CTNNA1: variants seen among roughly 807,000 people sequenced by gnomAD.
CTNNA1 encodes catenin alpha 1, also known as catenin alpha-1.
CTNNA1 carries 37 observed loss-of-function variants against 98.4 expected under a neutral mutation model. The observed-to-expected ratio is 0.38, with a 90% CI of 0.29 to 0.49. CTNNA1 has a LOEUF of 0.49. Ranked by LOEUF, CTNNA1 falls within the 20% of genes least tolerant of loss-of-function variation. The pLI, the probability that CTNNA1 is intolerant of heterozygous loss-of-function variation, is 0.95. For synonymous variants in CTNNA1, 404 were observed against 413.2 expected, an observed-to-expected ratio of 0.98 and a Z score of 0.27; for missense variants, 761 against 1,147.2, an observed-to-expected ratio of 0.66 and a Z score of 4.86.
intron 13 of CTNNA1, among the ~76,000 whole-genome samples, 175 bp from the exon 14 acceptor site, chr5:138,929,071 C>T (rs2150323200): frequency 6.6e-6 from 1 of 152,336 alleles, no homozygotes; most frequent in African/African-American, 2.4e-5. Context: ...ACCAGTGAAG[C>T]AGAGGCTCGA....
intron 5 of CTNNA1, among the ~76,000 whole-genome samples, chr5:138,819,479 G>GA (rs1759791788): frequency 2.6e-5 from 4 of 152,154 alleles, no homozygotes; most frequent in Admixed American, 2.0e-4. Flanking sequence ...TGGATGCAGG[G>GA]TACTATGTCG....
At chr5:138,776,843 CG>C (rs533258162) in intron 1 of CTNNA1, among the ~76,000 whole-genome samples, 24,925 of 59,616 alleles carry the variant, frequency 0.42, 6,703 homozygotes, top group East Asian at 0.78. Flanking sequence ...GCTGGCCGGG[CG>C]GGGGGGCTGA....
intron 9 of CTNNA1, among the ~76,000 whole-genome samples, chr5:138,890,271 A>C (rs78997031): frequency 6.6e-6 from 1 of 152,124 alleles, no homozygotes; most frequent in Non-Finnish European, 1.5e-5. Context: ...TCCTCCTAAA[A>C]TACTGCAATA....
Position 138,924,726 on chromosome 5 carries a change from C to A in CTNNA1, c.1747+16C>A. 1.9e-6 allele frequency: 3 copies of A among 1,552,062 alleles called. No individual in the cohort carries two copies. The highest frequency in any genetic ancestry group is 2.0e-4 in the Middle Eastern group (1 of 4,958). ...TCCAACACAGGTACGGGAACTCTCC[C>A]TTTCCAGTGCTCGCACACACCGCAG... On this transcript the variant is annotated intron_variant, in intron 12 of 17. Transcript: ENST00000302763.
intron 7 of CTNNA1, among the ~76,000 whole-genome samples, chr5:138,833,946 A>G (rs562525773): frequency 2.0e-5 from 3 of 152,344 alleles, no homozygotes; most frequent in East Asian, 3.8e-4. Context: ...GACTGGATGT[A>G]TATTTGAGGA....
chr5:138,819,070 T>A (rs367559030), intron 5 of CTNNA1, among the ~76,000 whole-genome samples: 1 of 14,780 alleles, frequency 6.8e-5, no homozygotes, highest in Non-Finnish European at 1.5e-4. Flanking sequence ...ATTGGCGTGA[T>A]TGGGAAGAAG....
intron 7 of CTNNA1, among the ~76,000 whole-genome samples, chr5:138,837,151 TA>T (rs1177085914): frequency 2.0e-5 from 3 of 152,228 alleles, no homozygotes; most frequent in Non-Finnish European, 4.4e-5. Flanking sequence ...AAAATTATAG[TA>T]TACATTTCTA....
intron 3 of CTNNA1, among the ~76,000 whole-genome samples, chr5:138,806,618 C>T (rs1032604011): frequency 6.6e-6 from 1 of 152,092 alleles, no homozygotes; most frequent in Non-Finnish European, 1.5e-5. Context: ...TGACTTCACT[C>T]TGGTTGAGGG....
At chr5:138,813,398 C>A (rs1182518862) in intron 5 of CTNNA1, among the ~76,000 whole-genome samples, 2 of 152,204 alleles carry the variant, frequency 1.3e-5, no homozygotes, top group Non-Finnish European at 2.9e-5. Context: ...CCTCAGTTAT[C>A]CCTGGCAAGA....
At chr5:138,796,421 G>A (rs1414547281) in intron 3 of CTNNA1, among the ~76,000 whole-genome samples, 13 of 152,126 alleles carry the variant, frequency 8.5e-5, no homozygotes, top group Non-Finnish European at 2.9e-5. Flanking sequence ...GCGGGCACCT[G>A]TAGTCCCAGC....
At chr5:138,788,483 G>A (rs1274538250) in intron 3 of CTNNA1, among the ~76,000 whole-genome samples, 2 of 152,078 alleles carry the variant, frequency 1.3e-5, no homozygotes, top group Non-Finnish European at 2.9e-5. Context: ...ATACAATGCA[G>A]TGTTTTTTAG....
At chr5:138,861,995 T>G (rs1382906162) in intron 7 of CTNNA1, among the ~76,000 whole-genome samples, 2 of 152,216 alleles carry the variant, frequency 1.3e-5, no homozygotes, top group East Asian at 3.8e-4. Flanking sequence ...TTGGATAAAC[T>G]AGATTATTAT....
chr5:138,934,740 C>T lies in CTNNA1; in HGVS notation c.*651C>T, dbSNP rs561937730. On this transcript the variant is annotated 3_prime_UTR_variant, in exon 18 of 18. Transcript: ENST00000302763. ...GTGTCTCGATGCCATAATCAGAACA[C>T]ACTTTTTTTCCTCTTTCTCCCAGCT... 2 of 152,754 alleles carry T rather than the reference C, an allele frequency of 1.3e-5. No homozygotes were observed. Among genetic ancestry groups the T allele is most frequent in the African/African-American group, 2.4e-5 (1 of 41,564 alleles). 9.5% of individuals were successfully genotyped at this position (152,754 alleles called of 1,614,324 possible).
chr5:138,848,026 T>A (rs1319201749), intron 7 of CTNNA1, among the ~76,000 whole-genome samples: 1 of 152,252 alleles, frequency 6.6e-6, no homozygotes, highest in Non-Finnish European at 1.5e-5. Context: ...GGGGTCTTGC[T>A]TCTTGGGTAA....
intron 13 of CTNNA1, chr5:138,925,609 A>G: frequency 2.9e-6 from 2 of 683,000 alleles, no homozygotes; most frequent in South Asian, 2.3e-5. Context: ...TTGGGCCAAG[A>G]AGGGGAGCTA....
intron 7 of CTNNA1, chr5:138,872,724 A>T: frequency 3.9e-6 from 1 of 255,884 alleles, no homozygotes; most frequent in Non-Finnish European, 7.4e-6. Context: ...CTTAGTGTAA[A>T]GGTTTACACA....
intron 7 of CTNNA1, among the ~76,000 whole-genome samples, chr5:138,850,574 G>T (rs552121731): frequency 6.6e-6 from 1 of 151,996 alleles, no homozygotes; most frequent in Admixed American, 6.6e-5. Flanking sequence ...TTTATCTTAC[G>T]GTGTTAGATC....
At chr5:138,777,621 C>T (rs547687393) in intron 1 of CTNNA1, among the ~76,000 whole-genome samples, 4 of 152,054 alleles carry the variant, frequency 2.6e-5, no homozygotes, top group East Asian at 1.9e-4. Context: ...CTCTGGAGGC[C>T]GAGGCTGGCG....
intron 1 of CTNNA1, among the ~76,000 whole-genome samples, chr5:138,777,988 C>CTTTTTTT (rs777826985): frequency 6.7e-5 from 1 of 14,856 alleles, no homozygotes; most frequent in Non-Finnish European, 1.1e-4. Flanking sequence ...CTTAATCTGT[C>CTTTTTTT]TTTTTTTTTT....
Sources: allele counts gnomAD v4.1 joint callset (sites outside exome capture counted in the v4.1 genomes callset), GRCh38; gene constraint gnomAD v4.1.1; transcripts MANE v1.5; gene names NCBI Gene and HGNC (gene_info 2026-07-23, HGNC 2026-07-21).